CCDC102B: variants seen among roughly 807,000 people sequenced by gnomAD.
CCDC102B encodes coiled-coil domain-containing protein 102B.
Under a neutral mutation model 57.4 loss-of-function variants are expected in CCDC102B, and 75 were observed. The observed-to-expected ratio is 1.31, with a 90% CI of 1.08 to 1.58. The LOEUF (loss-of-function observed/expected upper bound fraction) is 1.58. Ranked by LOEUF, CCDC102B falls within the 40% of genes most tolerant of loss-of-function variation. The pLI is 0.00. For synonymous variants in CCDC102B, 206 were observed against 201.9 expected, an observed-to-expected ratio of 1.02 and a Z score of -0.17; for missense variants, 636 against 582.6, an observed-to-expected ratio of 1.09 and a Z score of -0.94.
chr18:69,037,562 A>G (rs948747566), intron 7 of CCDC102B, among the ~76,000 whole-genome samples: 1 of 151,842 alleles, frequency 6.6e-6, no homozygotes, highest in African/African-American at 2.4e-5. Context: ...CCCCACCTAG[A>G]CTCACTGAGT....
At chr18:68,866,891 A>C in intron 4 of CCDC102B, 1 of 635,702 alleles carries the variant, frequency 1.6e-6, no homozygotes, top group Non-Finnish European at 3.0e-6. Context: ...CTTCCCTCTC[A>C]TGTATCACAC....
chr18:68,872,310 G>T (rs1301954881), intron 4 of CCDC102B, among the ~76,000 whole-genome samples: 1 of 152,028 alleles, frequency 6.6e-6, no homozygotes, highest in East Asian at 1.9e-4. Flanking sequence ...TACAAATGAG[G>T]TAGGTGCACG....
At chr18:68,761,353 T>G (rs954190857) in intron 2 of CCDC102B, among the ~76,000 whole-genome samples, 1 of 152,092 alleles carries the variant, frequency 6.6e-6, no homozygotes, top group Non-Finnish European at 1.5e-5. Context: ...TTTATAAATA[T>G]TCTATATAAG....
intron 2 of CCDC102B, among the ~76,000 whole-genome samples, chr18:68,765,357 G>GA (rs1298874655): frequency 8.3e-6 from 1 of 121,006 alleles, no homozygotes; most frequent in Admixed American, 9.0e-5. Context: ...AAGAAAGAAA[G>GA]AAAGAAAGAA....
At chr18:68,867,731 G>A (rs954708887) in intron 4 of CCDC102B, among the ~76,000 whole-genome samples, 3 of 151,688 alleles carry the variant, frequency 2.0e-5, no homozygotes, top group South Asian at 2.1e-4. Flanking sequence ...TCAGGAGATC[G>A]ACACCATCCT....
At chr18:68,865,340 G>C (rs1355547653) in intron 4 of CCDC102B, among the ~76,000 whole-genome samples, 2 of 151,974 alleles carry the variant, frequency 1.3e-5, no homozygotes, top group East Asian at 3.9e-4. Flanking sequence ...TGTATCTTAG[G>C]GTTCATAGGG....
chr18:69,052,276 A>G (rs913377423), intron 7 of CCDC102B, among the ~76,000 whole-genome samples: 4 of 152,022 alleles, frequency 2.6e-5, no homozygotes. Context: ...GGGATTGACA[A>G]AAGTTTTCAA....
chr18:68,771,909 T>C (rs931539020), intron 2 of CCDC102B, among the ~76,000 whole-genome samples: 9 of 83,378 alleles, frequency 1.1e-4, no homozygotes, highest in East Asian at 6.6e-4. Context: ...CACACACACA[T>C]CTTCTGGAAA....
intron 1 of CCDC102B, among the ~76,000 whole-genome samples, chr18:68,814,310 C>T (rs754611378): frequency 6.6e-6 from 1 of 151,974 alleles, no homozygotes; most frequent in Admixed American, 6.6e-5. Flanking sequence ...TAATTACAGG[C>T]TTTGAGCACT....
chr18:68,963,828 T>C (rs955412289), intron 6 of CCDC102B, among the ~76,000 whole-genome samples: 2 of 151,450 alleles, frequency 1.3e-5, no homozygotes, highest in East Asian at 1.9e-4. Context: ...TGTATGTATG[T>C]ATGCATGCAT....
At position 68,971,799 on chromosome 18, in the gene CCDC102B, ATTAAT is replaced by A. The variant is rs138036998; in HGVS notation, c.1264-39131_1264-39127del. 2.0e-3 allele frequency among the ~76,000 whole-genome samples: 300 copies of A among 152,304 alleles called. 3 individuals are homozygous for A. The highest frequency in any genetic ancestry group is 7.0e-3 in the African/African-American group (289 of 41,574). ...TAACATACATCATAGCATGTCAGTT[ATTAAT>A]TTATGTGCTTGAATCTACTGGATTG... On this transcript the variant is annotated intron_variant, in intron 6 of 7. Coordinates refer to ENST00000360242, the MANE Select transcript of CCDC102B (RefSeq NM_024781.3).
At chr18:68,722,672 G>C (rs2032401011) in intron 2 of CCDC102B, among the ~76,000 whole-genome samples, 1 of 152,100 alleles carries the variant, frequency 6.6e-6, no homozygotes, top group Non-Finnish European at 1.5e-5. Context: ...CATGAAAAAG[G>C]AACAAATGGG....
At chr18:68,987,667 A>G (rs531878746) in intron 6 of CCDC102B, among the ~76,000 whole-genome samples, 37 of 152,332 alleles carry the variant, frequency 2.4e-4, no homozygotes, top group Admixed American at 6.5e-4. Flanking sequence ...ACAAAGGTCT[A>G]ACACACAGAA....
At chr18:68,826,409 C>G (rs1163427620) in intron 1 of CCDC102B, among the ~76,000 whole-genome samples, 1 of 152,194 alleles carries the variant, frequency 6.6e-6, no homozygotes, top group African/African-American at 2.4e-5. Flanking sequence ...TATGACATGG[C>G]TCTTGGGTTC....
chr18:68,881,817 C>T (rs1015996065), intron 5 of CCDC102B, among the ~76,000 whole-genome samples: 12 of 152,030 alleles, frequency 7.9e-5, no homozygotes, highest in African/African-American at 1.7e-4. Context: ...GTCATTAAAC[C>T]TCACGCCCTT....
intron 7 of CCDC102B, among the ~76,000 whole-genome samples, chr18:69,042,219 A>G (rs2052451957): frequency 6.6e-6 from 1 of 152,156 alleles, no homozygotes; most frequent in African/African-American, 2.4e-5. Context: ...AAATTATTGA[A>G]TTACATATTA....
chr18:68,754,646 G>C (rs1028217960), intron 2 of CCDC102B: 2 of 151,878 alleles, frequency 1.3e-5, no homozygotes, highest in African/African-American at 4.8e-5. Flanking sequence ...CAAAAGAAAA[G>C]GAAAGAAAAA....
intron 5 of CCDC102B, among the ~76,000 whole-genome samples, chr18:68,885,216 G>T (rs537813652): frequency 1.3e-5 from 2 of 152,090 alleles, no homozygotes; most frequent in African/African-American, 4.8e-5. Flanking sequence ...AAAGTTGAAT[G>T]AGTCACCCAG....
intron 7 of CCDC102B, among the ~76,000 whole-genome samples, chr18:69,018,586 C>A (rs1473535990): frequency 1.3e-5 from 2 of 152,050 alleles, no homozygotes; most frequent in Non-Finnish European, 2.9e-5. Context: ...GATGCCTATT[C>A]ACGTATTCTG....
Sources: allele counts gnomAD v4.1 joint callset (sites outside exome capture counted in the v4.1 genomes callset), GRCh38; gene constraint gnomAD v4.1.1; transcripts MANE v1.5; gene names NCBI Gene and HGNC (gene_info 2026-07-23, HGNC 2026-07-21).